HEMK2: variants seen among roughly 807,000 people sequenced by gnomAD.
HEMK2 encodes methyltransferase HEMK2.
chr21:28,665,678 C>T, the HEMK2 span, among the ~76,000 whole-genome samples: 30 of 151,068 alleles, frequency 2.0e-4, no homozygotes, highest in Admixed American at 4.6e-4. Context: ...GTCGGTGTGG[C>T]GATTCCTCAG....
At chr21:28,658,622 C>A in the HEMK2 span, among the ~76,000 whole-genome samples, 1 of 152,032 alleles carries the variant, frequency 6.6e-6, no homozygotes, top group Non-Finnish European at 1.5e-5. Flanking sequence ...ATACAGCTTC[C>A]ATGTTACACT....
At chr21:28,592,211 T>C in the HEMK2 span, among the ~76,000 whole-genome samples, 114 of 152,340 alleles carry the variant, frequency 7.5e-4, no homozygotes, top group Non-Finnish European at 1.2e-3. Context: ...CACCAGCACC[T>C]GTTATTTTTT....
At chr21:28,828,078 AG>A in the HEMK2 span, among the ~76,000 whole-genome samples, 1 of 152,298 alleles carries the variant, frequency 6.6e-6, no homozygotes, top group East Asian at 1.9e-4. Context: ...GGCTTTTCTA[AG>A]GTTCCAGAAA....
At chr21:28,838,947 C>CAAAAAAAAAAAAA in the HEMK2 span, among the ~76,000 whole-genome samples, 1 of 20,974 alleles carries the variant, frequency 4.8e-5, no homozygotes, top group Admixed American at 8.7e-4. Context: ...AACTCCGCCT[C>CAAAAAAAAAAAAA]AAAAAAAAAA....
the HEMK2 span, among the ~76,000 whole-genome samples, chr21:28,862,955 C>T: frequency 0.11 from 16,891 of 151,992 alleles, 1,437 homozygotes; most frequent in African/African-American, 0.23. Flanking sequence ...CTTATTATTG[C>T]CTTTATTTGA....
At chr21:28,674,611 T>A in the HEMK2 span, 1 of 152,178 alleles carries the variant, frequency 6.6e-6, no homozygotes, top group African/African-American at 2.4e-5. Context: ...TTTTTTCTGG[T>A]TTTAGTTCTT....
the HEMK2 span, among the ~76,000 whole-genome samples, chr21:28,781,583 C>A: frequency 6.6e-6 from 1 of 152,204 alleles, no homozygotes; most frequent in African/African-American, 2.4e-5. Flanking sequence ...GTACATAGAG[C>A]AAATTTTAAG....
chr21:28,695,478 G>GTCTTAC, the HEMK2 span, among the ~76,000 whole-genome samples: 1 of 152,112 alleles, frequency 6.6e-6, no homozygotes, highest in Admixed American at 6.5e-5. Context: ...TCACAATCAT[G>GTCTTAC]GTGGAAGGTG....
the HEMK2 span, among the ~76,000 whole-genome samples, chr21:28,609,431 T>C: frequency 3.9e-5 from 6 of 152,054 alleles, no homozygotes; most frequent in African/African-American, 1.2e-4. Context: ...CACTCTGACA[T>C]AGTCTACCCA....
chr21:28,636,288 T>C, the HEMK2 span, among the ~76,000 whole-genome samples: 1 of 152,168 alleles, frequency 6.6e-6, no homozygotes, highest in South Asian at 2.1e-4. Context: ...AGCCACAGGT[T>C]ACATGCAGCT....
the HEMK2 span, among the ~76,000 whole-genome samples, chr21:28,729,602 C>G: frequency 7.6e-6 from 1 of 130,746 alleles, no homozygotes; most frequent in African/African-American, 3.1e-5. Flanking sequence ...GCCACACGTA[C>G]AATACACTAA....
At chr21:28,885,165 C>A in the HEMK2 span, 7,824 of 1,495,066 alleles carry the variant, frequency 5.2e-3, 25 homozygotes, top group Non-Finnish European at 6.1e-3. Flanking sequence ...CGCACTTCTT[C>A]AGAAAGCCGC....
At chr21:28,841,243 TATATA>T in the HEMK2 span, among the ~76,000 whole-genome samples, 1 of 5,376 alleles carries the variant, frequency 1.9e-4, no homozygotes, top group Non-Finnish European at 2.5e-4. Context: ...TATATTTATA[TATATA>T]ATATATTATA....
chr21:28,683,034 A>T, the HEMK2 span, among the ~76,000 whole-genome samples: 1 of 152,028 alleles, frequency 6.6e-6, no homozygotes, highest in Admixed American at 6.5e-5. Flanking sequence ...GTGCACATGT[A>T]CCCTAAAACT....
At chr21:28,710,538 T>G in the HEMK2 span, among the ~76,000 whole-genome samples, 5 of 152,190 alleles carry the variant, frequency 3.3e-5, no homozygotes, top group African/African-American at 1.2e-4. Flanking sequence ...CCTAAATACT[T>G]TATAACTCAG....
At chr21:28,628,717 G>A in the HEMK2 span, among the ~76,000 whole-genome samples, 3 of 152,236 alleles carry the variant, frequency 2.0e-5, no homozygotes, top group African/African-American at 7.2e-5. Context: ...GCCTCCCAAA[G>A]TGTTGGGATT....
At chr21:28,649,184 A>C in the HEMK2 span, among the ~76,000 whole-genome samples, 3 of 152,100 alleles carry the variant, frequency 2.0e-5, no homozygotes, top group African/African-American at 7.2e-5. Context: ...TCTGTCTCCA[A>C]GGCAGTATCA....
At chr21:28,702,028 C>T in the HEMK2 span, among the ~76,000 whole-genome samples, 1 of 152,014 alleles carries the variant, frequency 6.6e-6, no homozygotes, top group East Asian at 1.9e-4. Context: ...AATAACGCAG[C>T]ACACCTACAA....
At chr21:28,719,694 T>G in the HEMK2 span, among the ~76,000 whole-genome samples, 1 of 152,210 alleles carries the variant, frequency 6.6e-6, no homozygotes, top group Non-Finnish European at 1.5e-5. Flanking sequence ...TTCACCATTA[T>G]GAATATCCAA....
Sources: allele counts gnomAD v4.1 joint callset (sites outside exome capture counted in the v4.1 genomes callset), GRCh38; gene constraint gnomAD v4.1.1; transcripts MANE v1.5; gene names NCBI Gene and HGNC (gene_info 2026-07-23, HGNC 2026-07-21).